The following CD36 variants were observed in gnomAD, a reference collection of about 807,000 sequenced individuals.
CD36 encodes the protein CD36 molecule (CD36 blood group).
CD36 carries 119 observed loss-of-function variants against 55.2 expected under a neutral mutation model. That is an observed-to-expected ratio of 2.15 (90% confidence interval 1.86 to 2.51). The LOEUF is 2.51. Ranked by LOEUF, CD36 falls within the 30% of genes most tolerant of loss-of-function variation. The probability of loss-of-function intolerance (pLI) is 0.00; values close to 1 mark genes in which losing one functional copy is unlikely to be tolerated. For synonymous variants in CD36, 186 were observed against 193.6 expected (o/e 0.96, Z 0.33); for missense variants, 819 against 555.5 (o/e 1.47, Z -4.77).
intron 7 of CD36, among the ~76,000 whole-genome samples, chr7:80,665,169 TAAC>T (rs1040731568): frequency 1.3e-4 from 19 of 151,710 alleles, no homozygotes; most frequent in African/African-American, 4.6e-4. Context: ...AGTGGTAAAA[TAAC>T]AAATCAGCTT....
chr7:80,607,828 G>A (rs1792649415), intron 1 of CD36, among the ~76,000 whole-genome samples: 1 of 152,102 alleles, frequency 6.6e-6, no homozygotes, highest in African/African-American at 2.4e-5. Context: ...CTGGAGTACG[G>A]TGGTGCAATT....
At chr7:80,652,459 C>G (rs537592714) in intron 3 of CD36, among the ~76,000 whole-genome samples, 1 of 152,248 alleles carries the variant, frequency 6.6e-6, no homozygotes, top group South Asian at 2.1e-4. Context: ...TTTTCAGATT[C>G]TCTGCATAAC....
rs71555071 is a variant in CD36, at chr7:80,602,732, G to T, written c.-184+353G>T. 7.4e-3 allele frequency among the ~76,000 whole-genome samples: 1,119 copies of T among 152,150 alleles called. 16 individuals carry two copies. The highest frequency in any genetic ancestry group is 8.7e-3 in the Non-Finnish European group (589 of 67,974). On this transcript the variant is annotated intron_variant, in intron 1 of 13. Transcript: ENST00000309881. ...TGTACCTGAAACTTCTTTTCCTTCA[G>T]ATTTCTTATTTATGTTTTCTGATAG...
intron 1 of CD36, among the ~76,000 whole-genome samples, chr7:80,616,171 T>C (rs559460609): frequency 1.3e-4 from 20 of 152,248 alleles, no homozygotes; most frequent in Admixed American, 1.1e-3. Flanking sequence ...TAAAAATGCA[T>C]TTAATACATC....
At chr7:80,656,505 AAAGAC>A (rs1273596137) in intron 3 of CD36, 30 bp from the exon 4 acceptor site, 1 of 1,606,278 alleles carries the variant, frequency 6.2e-7, no homozygotes, top group East Asian at 2.2e-5. Flanking sequence ...TACTTACTAC[AAAGAC>A]ATAACCCAAA....
chr7:80,669,410 G>C (rs552680474), intron 8 of CD36, among the ~76,000 whole-genome samples: 3 of 152,030 alleles, frequency 2.0e-5, no homozygotes, highest in Admixed American at 6.6e-5. Context: ...AAATATTTTG[G>C]ATATTAATAA....
At chr7:80,639,949 T>C (rs1416583800) in intron 1 of CD36, 1 of 152,026 alleles carries the variant, frequency 6.6e-6, no homozygotes, top group African/African-American at 2.4e-5. Flanking sequence ...CAGAGTGTAC[T>C]GAATTTGGAA....
chr7:80,644,090 A>G (rs1794988489), intron 1 of CD36, among the ~76,000 whole-genome samples: 1 of 152,188 alleles, frequency 6.6e-6, no homozygotes. Context: ...GTGCTTTACA[A>G]TTATGCATTG....
At chr7:80,666,356 G>A in intron 7 of CD36, 87 bp from the exon 8 acceptor site, 5 of 843,886 alleles carry the variant, frequency 5.9e-6, no homozygotes, top group Non-Finnish European at 8.0e-6. Flanking sequence ...CATATTAACA[G>A]AAGTATTGAA....
upstream of CD36, among the ~76,000 whole-genome samples, chr7:80,636,443 T>A (rs1406221036): frequency 2.6e-5 from 4 of 151,798 alleles, no homozygotes; most frequent in African/African-American, 7.3e-5. Context: ...AGCAGTTAAC[T>A]TCCAATTACA....
intron 12 of CD36, 46 bp from the exon 13 acceptor site, chr7:80,673,308 TA>T (rs1562826511): frequency 1.2e-6 from 1 of 856,960 alleles, no homozygotes; most frequent in East Asian, 2.6e-5. Context: ...TTGTTATATA[TA>T]AATATTAGTT....
chr7:80,664,484 T>C lies in CD36; in HGVS notation c.688T>C (p.Tyr230His). The C allele has an allele frequency of 6.5e-7, 1 of 1,545,900 alleles. No homozygotes were observed. Among genetic ancestry groups the C allele is most frequent in the South Asian group, 1.1e-5 (1 of 89,652 alleles). The change falls in exon 7 of 15, where the codon TAT becomes CAT. Residue 230 changes from tyrosine to histidine, a missense_variant. By Grantham distance (83) the Tyr-to-His change is moderately conservative. Coordinates refer to ENST00000447544, the MANE Select transcript of CD36 (RefSeq NM_001001548.3). ...AAGTAAAGTTGCCATAATCGACACA[T>C]ATAAAGGTAAAAGGTAAGTATTCTG... The part of the protein sequence containing the change: ...NISKVAIIDT[Y>H]KGKRNLSYWE...
chr7:80,607,274 A>AAAG (rs113820788), intron 1 of CD36, among the ~76,000 whole-genome samples: 5 of 151,980 alleles, frequency 3.3e-5, no homozygotes, highest in African/African-American at 9.7e-5. Context: ...CCTTTGAAAA[A>AAAG]AAGAAGAAAA....
intron 8 of CD36, among the ~76,000 whole-genome samples, chr7:80,669,641 G>A (rs3173802): frequency 0.35 from 53,396 of 151,638 alleles, 10,662 homozygotes; most frequent in East Asian, 0.51. Flanking sequence ...GATTACAAGC[G>A]CCTACCACCA....
chr7:80,644,080 G>A (rs911816968), intron 1 of CD36, among the ~76,000 whole-genome samples: 4 of 152,148 alleles, frequency 2.6e-5, no homozygotes, highest in African/African-American at 4.8e-5. Context: ...AAAGTTTCAA[G>A]TGCTTTACAA....
In CD36 at chr7:80,671,133, T is replaced by G. The variant is rs3211938; in HGVS notation, c.975T>G (p.Tyr325Ter). 7,379 of 1,612,872 alleles carry G rather than the reference T, an allele frequency of 4.6e-3. 414 individuals carry two copies. In the African/African-American group the frequency reaches 0.091, roughly 20 times the overall value. The change falls in exon 10 of 15, where the codon TAT becomes TAG. Residue 325 changes from tyrosine to a stop codon, truncating the protein, a stop_gained. Transcript: ENST00000447544. LOFTEE classifies it high-confidence loss of function. The stretch of plus-strand genomic sequence containing the variant: ...TTATCTCAAAAAATTGTACATCATA[T>G]GGTGTGCTAGACATCAGCAAATGCA... ...EKIISKNCTS[Y>*]GVLDISKCKE...
chr7:80,671,186 C>T, intron 10 of CD36, 22 bp downstream of exon 10: 1 of 1,480,448 alleles, frequency 6.8e-7, no homozygotes, highest in Non-Finnish European at 9.4e-7. Context: ...ACCTCAGTAG[C>T]ACAGTCCATA....
At position 80,664,442 on chromosome 7, in the gene CD36, A is replaced by G; in HGVS notation, c.646A>G (p.Asn216Asp). 6.3e-7 allele frequency: 1 copy of G among 1,580,780 alleles called. No individual in the cohort carries two copies. The highest frequency in any genetic ancestry group is 8.7e-7 in the Non-Finnish European group (1 of 1,149,938). ...TGCAGATGGAGTTTATAAAGTTTTC[A>G]ATGGAAAAGATAACATAAGTAAAGT... Reference protein sequence around the residue: ...NTADGVYKVFNGKDNISKVAI... With the variant: ...NTADGVYKVFDGKDNISKVAI... The change falls in exon 7 of 15, where the codon AAT (asparagine) becomes GAT (aspartate). Residue 216 changes from asparagine (N) to aspartate (D), a missense_variant. By Grantham distance (23) the Asn-to-Asp change is conservative. Transcript: ENST00000447544.
chr7:80,613,921 G>A (rs912709489), intron 1 of CD36, among the ~76,000 whole-genome samples: 1 of 152,128 alleles, frequency 6.6e-6, no homozygotes, highest in Non-Finnish European at 1.5e-5. Context: ...ATTAGCTAAT[G>A]TGCTTTTGGG....
Sources: allele counts gnomAD v4.1 joint callset (sites outside exome capture counted in the v4.1 genomes callset), GRCh38; gene constraint gnomAD v4.1.1; transcripts MANE v1.5; gene names NCBI Gene and HGNC (gene_info 2026-07-23, HGNC 2026-07-21).